TNRC6B: variants seen among roughly 807,000 people sequenced by gnomAD.
TNRC6B encodes trinucleotide repeat containing adaptor 6B, also known as trinucleotide repeat-containing gene 6B protein.
TNRC6B carries 52 observed loss-of-function variants against 203.6 expected under a neutral mutation model. The observed-to-expected ratio is 0.26, with a 90% CI of 0.20 to 0.32. The LOEUF is 0.32. Among genes scored for constraint, TNRC6B ranks in the 10% least tolerant of loss-of-function variants. TNRC6B has a pLI of 1.00. For missense variants in TNRC6B, 1,923 were observed against 2,286.2 expected (o/e 0.84, Z 3.24); for synonymous variants, 838 against 845.7 (o/e 0.99, Z 0.16).
At chr22:40,282,536 C>A (rs1915871052) in intron 11 of TNRC6B, among the ~76,000 whole-genome samples, 1 of 152,152 alleles carries the variant, frequency 6.6e-6, no homozygotes, top group South Asian at 2.1e-4. Flanking sequence ...ATAGGCATAA[C>A]ATTCACAGTT....
At chr22:40,057,808 G>A (rs1375850017) in intron 1 of TNRC6B, among the ~76,000 whole-genome samples, 2 of 152,220 alleles carry the variant, frequency 1.3e-5, no homozygotes, top group East Asian at 1.9e-4. Context: ...GGAGCTAAAT[G>A]TCTTTCTCCT....
chr22:40,259,500 G>A lies in TNRC6B; in HGVS notation c.116-2332G>A, dbSNP rs191089185. On this transcript the variant is annotated intron_variant, in intron 3 of 22. Coordinates refer to ENST00000454349, the MANE Select transcript of TNRC6B (RefSeq NM_001162501.2). ...GCCTCCCAAAGTGCTGGGATTACAGGCGTGAGCCATCGCGCCTGGCCGACT... is the reference window on the plus strand; with the variant it reads ...GCCTCCCAAAGTGCTGGGATTACAGACGTGAGCCATCGCGCCTGGCCGACT... 1.8e-3 allele frequency among the ~76,000 whole-genome samples: 269 copies of A among 152,310 alleles called. 1 individual carries two copies. Among genetic ancestry groups the A allele is most frequent in the African/African-American group, 5.8e-3 (243 of 41,572 alleles).
chr22:40,139,752 A>G (rs912789268), intron 3 of TNRC6B, among the ~76,000 whole-genome samples: 3 of 152,232 alleles, frequency 2.0e-5, no homozygotes, highest in South Asian at 2.1e-4. Flanking sequence ...ACATTTGTGT[A>G]CAAGTTTTTG....
chr22:40,226,763 C>T (rs1480635056), intron 1 of TNRC6B, among the ~76,000 whole-genome samples: 1 of 152,162 alleles, frequency 6.6e-6, no homozygotes, highest in Non-Finnish European at 1.5e-5. Context: ...TATTTAGCTC[C>T]ATTTCTTCTG....
At chr22:40,292,188 C>A (rs985568605) in intron 12 of TNRC6B, among the ~76,000 whole-genome samples, 2 of 138,102 alleles carry the variant, frequency 1.4e-5, no homozygotes, top group African/African-American at 5.0e-5. Context: ...AGCAAGACTC[C>A]GTCTCAAAAA....
chr22:40,188,395 TTTTG>T, intron 1 of TNRC6B, among the ~76,000 whole-genome samples: 1 of 152,318 alleles, frequency 6.6e-6, no homozygotes, highest in South Asian at 2.1e-4. Flanking sequence ...CAGTCTTGTT[TTTTG>T]TTTGTTTAAT....
chr22:40,219,178 T>C (rs1324236124), intron 1 of TNRC6B, among the ~76,000 whole-genome samples: 2 of 152,262 alleles, frequency 1.3e-5, no homozygotes, highest in Non-Finnish European at 2.9e-5. Flanking sequence ...GCTGAGCCCC[T>C]TGAAGACAGG....
At chr22:40,171,040 GTATA>G (rs58126747) in intron 4 of TNRC6B, among the ~76,000 whole-genome samples, 1 of 145,978 alleles carries the variant, frequency 6.9e-6, no homozygotes, top group Non-Finnish European at 1.5e-5. Context: ...CTATATAGGT[GTATA>G]TATATATACA....
At chr22:40,216,580 C>CACCTGGGTGTCACCCAGGTGA (rs2069638040) in intron 1 of TNRC6B, among the ~76,000 whole-genome samples, 1 of 152,058 alleles carries the variant, frequency 6.6e-6, no homozygotes. Context: ...TCACTGCACT[C>CACCTGGGTGTCACCCAGGTGA]CAGCCTGGGT....
chr22:40,049,995 AATT>A lies in TNRC6B; in HGVS notation c.-121+5004_-121+5006del, dbSNP rs564704660. On this transcript the variant is annotated intron_variant, in intron 1 of 23. Transcript: ENST00000301923. ...GTTTCTATTATCGTTAGTTTCTATT[AATT>A]ATTATTCTATAATTTATAATTATAG... Among the ~76,000 whole-genome samples, 18 of 152,164 alleles carry A rather than the reference AATT, an allele frequency of 1.2e-4. No individual in the cohort carries two copies. In the South Asian group the frequency reaches 1.5e-3, roughly 12 times the overall value.
chr22:40,180,428 A>G (rs545840300), intron 1 of TNRC6B, among the ~76,000 whole-genome samples: 17 of 152,376 alleles, frequency 1.1e-4, no homozygotes, highest in African/African-American at 3.8e-4. Flanking sequence ...GGCAGAACAG[A>G]GAATGATACA....
At chr22:40,289,061 C>A (rs190992154) in intron 12 of TNRC6B, among the ~76,000 whole-genome samples, 21 of 152,076 alleles carry the variant, frequency 1.4e-4, no homozygotes, top group African/African-American at 5.1e-4. Flanking sequence ...TGATCCACCC[C>A]ACCTTGACCT....
At chr22:40,198,934 C>A (rs1045784990) in intron 1 of TNRC6B, among the ~76,000 whole-genome samples, 11 of 151,902 alleles carry the variant, frequency 7.2e-5, no homozygotes, top group African/African-American at 2.7e-4. Flanking sequence ...CTTCTATATC[C>A]CATTTTCCAC....
intron 1 of TNRC6B, among the ~76,000 whole-genome samples, chr22:40,236,484 A>G (rs1433093461): frequency 6.6e-6 from 1 of 152,152 alleles, no homozygotes; most frequent in African/African-American, 2.4e-5. Flanking sequence ...TACTTCTGGC[A>G]TAGTTCCCGT....
chr22:40,199,488 G>A (rs544169582), intron 1 of TNRC6B, among the ~76,000 whole-genome samples: 87 of 152,216 alleles, frequency 5.7e-4, no homozygotes, highest in African/African-American at 2.0e-3. Context: ...ATGAGGAAAT[G>A]ATAGGCAAAC....
intron 19 of TNRC6B, 110 bp downstream of exon 19, chr22:40,313,107 G>A (rs566137338): frequency 6.7e-5 from 55 of 823,228 alleles, no homozygotes; most frequent in African/African-American, 5.6e-4. Flanking sequence ...CAGAAGTTCA[G>A]TAGCATAGGT....
chr22:40,290,413 A>G (rs546432236), intron 12 of TNRC6B, among the ~76,000 whole-genome samples: 1 of 152,206 alleles, frequency 6.6e-6, no homozygotes, highest in East Asian at 1.9e-4. Context: ...AATGCAAGGC[A>G]AAAGCAAAGT....
At chr22:40,287,468 T>C (rs2070803751) in intron 12 of TNRC6B, among the ~76,000 whole-genome samples, 2 of 152,208 alleles carry the variant, frequency 1.3e-5, no homozygotes, top group Admixed American at 6.5e-5. Flanking sequence ...CTCCCCGTCA[T>C]CACCACCAAC....
chr22:40,131,976 G>C (rs1483097643), intron 3 of TNRC6B, among the ~76,000 whole-genome samples: 1 of 152,178 alleles, frequency 6.6e-6, no homozygotes, highest in Non-Finnish European at 1.5e-5. Flanking sequence ...GTATGTGAGA[G>C]ATAAAATTGA....
Sources: allele counts gnomAD v4.1 joint callset (sites outside exome capture counted in the v4.1 genomes callset), GRCh38; gene constraint gnomAD v4.1.1; transcripts MANE v1.5; gene names NCBI Gene and HGNC (gene_info 2026-07-23, HGNC 2026-07-21).